Variants in CACNA2D1 observed in about 807,000 individuals in gnomAD.
The protein encoded by CACNA2D1 is calcium voltage-gated channel auxiliary subunit alpha2delta 1.
CACNA2D1 carries 53 observed loss-of-function variants against 171.5 expected under a neutral mutation model. The ratio of observed to expected loss-of-function variants is 0.31; its 90% CI spans 0.25 to 0.39. The LOEUF (loss-of-function observed/expected upper bound fraction) is 0.39. Ranked by LOEUF, CACNA2D1 falls within the 10% of genes least tolerant of loss-of-function variation. The probability of loss-of-function intolerance (pLI) is 1.00; values close to 1 mark genes in which losing one functional copy is unlikely to be tolerated. For synonymous variants in CACNA2D1, 442 were observed against 443.1 expected (o/e 1.00, Z 0.03); for missense variants, 903 against 1,299.8 (o/e 0.69, Z 4.69).
chr7:82,305,740 C>T (rs1563340691), intron 3 of CACNA2D1, among the ~76,000 whole-genome samples: 1 of 152,128 alleles, frequency 6.6e-6, no homozygotes, highest in Non-Finnish European at 1.5e-5. Context: ...ATGATTTTCT[C>T]CTATTAATTT....
Position 81,968,982 on chromosome 7 carries a change from A to G in CACNA2D1, c.2309-9T>C. On this transcript the variant is annotated splice_polypyrimidine_tract_variant and intron_variant, in intron 28 of 38. Transcript: ENST00000356860. ...GGCACCAGGTCCACTTTCTAAAAAA[A>G]AAATAAATAAATAAAACACCTATCA... 6.9e-7 allele frequency: 1 copy of G among 1,444,342 alleles called. No homozygotes were observed. Among genetic ancestry groups the G allele is most frequent in the Non-Finnish European group, 9.7e-7 (1 of 1,030,062 alleles). 89.5% of individuals were successfully genotyped at this position (1,444,342 alleles called of 1,614,324 possible). A position where few individuals can be genotyped will look rare whatever the true frequency, so the allele number is the denominator to read the frequency against.
At chr7:82,145,082 A>G (rs1042355130) in intron 4 of CACNA2D1, among the ~76,000 whole-genome samples, 1 of 151,372 alleles carries the variant, frequency 6.6e-6, no homozygotes, top group Admixed American at 6.6e-5. Flanking sequence ...AATATTCTCA[A>G]TGTCATTTTA....
intron 10 of CACNA2D1, among the ~76,000 whole-genome samples, chr7:82,060,174 A>ATG (rs1259916304): frequency 3.1e-5 from 1 of 31,896 alleles, no homozygotes; most frequent in African/African-American, 1.2e-4. Context: ...TAATATATAT[A>ATG]TATAATATAT....
In CACNA2D1 at chr7:82,007,922, T is replaced by C. The variant is rs183029595; in HGVS notation, c.1363-166A>G. On this transcript the variant is annotated intron_variant, in intron 15 of 38. Coordinates refer to ENST00000356860, the MANE Select transcript of CACNA2D1 (RefSeq NM_000722.4). ...TCTATTAAAATTTATTTTTAAAATA[T>C]CAAGGAAAATATCTTGGAAATAATT... Among the ~76,000 whole-genome samples, 379 of 152,252 alleles carry C rather than the reference T, an allele frequency of 2.5e-3. 2 individuals carry two copies. Among genetic ancestry groups the C allele is most frequent in the African/African-American group, 8.6e-3 (359 of 41,552 alleles).
At chr7:82,149,545 CAACT>C (rs1442395118) in intron 4 of CACNA2D1, among the ~76,000 whole-genome samples, 1 of 151,950 alleles carries the variant, frequency 6.6e-6, no homozygotes, top group Non-Finnish European at 1.5e-5. Flanking sequence ...CCACCCATAC[CAACT>C]GTCACTCGGA....
chr7:81,953,812 A>ATCTT (rs900720392), intron 38 of CACNA2D1, among the ~76,000 whole-genome samples: 25 of 152,156 alleles, frequency 1.6e-4, no homozygotes, highest in African/African-American at 4.3e-4. Context: ...ATATTTTGTC[A>ATCTT]TCTTTATACT....
At position 82,297,185 on chromosome 7, in the gene CACNA2D1, A is replaced by G. The variant is rs114089004; in HGVS notation, c.294+37950T>C. On this transcript the variant is annotated intron_variant, in intron 3 of 38. Transcript: ENST00000356860. ...TGAATCCCTTGAGCCCAGGAGGCTG[A>G]GGCTGCAGTGAGCAAGGTCGTGCCA... Among the ~76,000 whole-genome samples the G allele has an allele frequency of 3.3e-3, 508 of 151,856 alleles. 4 individuals carry two copies. The highest frequency in any genetic ancestry group is 0.011 in the African/African-American group (472 of 41,350).
At chr7:82,310,290 G>A (rs1051274151) in intron 3 of CACNA2D1, among the ~76,000 whole-genome samples, 2 of 151,740 alleles carry the variant, frequency 1.3e-5, no homozygotes, top group Non-Finnish European at 2.9e-5. Flanking sequence ...AAGAAAAGCA[G>A]ATATATTTTT....
intron 34 of CACNA2D1, 57 bp from the exon 35 acceptor site, chr7:81,962,552 T>G (rs1186778585): frequency 9.6e-7 from 1 of 1,043,232 alleles, no homozygotes; most frequent in African/African-American, 1.6e-5. Context: ...TGTTTTTACA[T>G]GTACCCATAC....
intron 1 of CACNA2D1, among the ~76,000 whole-genome samples, chr7:82,351,532 T>A (rs574623876): frequency 6.6e-5 from 10 of 151,942 alleles, no homozygotes; most frequent in African/African-American, 1.9e-4. Context: ...TTAGCACATA[T>A]GAAAATAAGG....
At chr7:82,193,046 C>T (rs1377867288) in intron 3 of CACNA2D1, among the ~76,000 whole-genome samples, 1 of 151,868 alleles carries the variant, frequency 6.6e-6, no homozygotes. Flanking sequence ...TTGTCTGATG[C>T]TTCTTCTGCT....
chr7:82,013,721 T>C (rs570090038), intron 13 of CACNA2D1, among the ~76,000 whole-genome samples: 1 of 151,988 alleles, frequency 6.6e-6, no homozygotes, highest in South Asian at 2.1e-4. Flanking sequence ...TCATTACATT[T>C]CTTAGTTACT....
intron 10 of CACNA2D1, among the ~76,000 whole-genome samples, chr7:82,041,077 T>C (rs578162456): frequency 6.6e-6 from 1 of 151,996 alleles, no homozygotes; most frequent in Non-Finnish European, 1.5e-5. Flanking sequence ...GCAGAACGAA[T>C]GGACAGCAGG....
chr7:82,137,952 G>A (rs2129081117), intron 4 of CACNA2D1, among the ~76,000 whole-genome samples: 1 of 152,182 alleles, frequency 6.6e-6, no homozygotes, highest in African/African-American at 2.4e-5. Context: ...GCTTCTCAGT[G>A]TATTCCCTTT....
intron 10 of CACNA2D1, among the ~76,000 whole-genome samples, chr7:82,059,240 C>G (rs961677095): frequency 6.6e-6 from 1 of 152,048 alleles, no homozygotes; most frequent in African/African-American, 2.4e-5. Context: ...CAGAAAATGG[C>G]CATGAAATAT....
intron 3 of CACNA2D1, among the ~76,000 whole-genome samples, chr7:82,171,969 T>G (rs1042218354): frequency 1.3e-5 from 2 of 151,228 alleles, no homozygotes; most frequent in Non-Finnish European, 2.9e-5. Flanking sequence ...ATTAATGTAT[T>G]GGCTTCTATC....
intron 3 of CACNA2D1, among the ~76,000 whole-genome samples, chr7:82,329,277 G>A (rs1817005454): frequency 1.3e-5 from 2 of 152,136 alleles, no homozygotes; most frequent in Admixed American, 6.6e-5. Flanking sequence ...TGAATTAAGA[G>A]TTGGAGTATA....
chr7:82,255,928 A>ATGTGCC (rs779477824), intron 3 of CACNA2D1, among the ~76,000 whole-genome samples: 11 of 152,292 alleles, frequency 7.2e-5, no homozygotes, highest in South Asian at 2.1e-4. Context: ...CAGTGTGTGT[A>ATGTGCC]TGTGCCTGTG....
chr7:82,147,887 A>G (rs1023330318), intron 4 of CACNA2D1, among the ~76,000 whole-genome samples: 2 of 152,160 alleles, frequency 1.3e-5, no homozygotes, highest in Non-Finnish European at 2.9e-5. Flanking sequence ...GATATGTAGG[A>G]TAGGAAATAA....
Sources: gnomAD v4.1 joint callset for allele counts (sites outside exome capture counted in the v4.1 genomes callset) on GRCh38, gnomAD v4.1.1 for gene constraint, MANE v1.5 for transcripts, NCBI Gene and HGNC (gene_info 2026-07-23, HGNC 2026-07-21) for gene names.